Variants in NUAK1 observed in about 807,000 individuals in gnomAD.
NUAK1 encodes the protein NUAK family kinase 1, also known as NUAK family SNF1-like kinase 1.
A neutral mutation model predicts 56.9 loss-of-function variants in NUAK1; 26 were observed. The ratio of observed to expected loss-of-function variants is 0.46; its 90% confidence interval spans 0.33 to 0.63. The LOEUF (loss-of-function observed/expected upper bound fraction) is 0.63. Among genes scored for constraint, NUAK1 ranks in the 30% least tolerant of loss-of-function variants. NUAK1 has a pLI of 0.02. For missense variants in NUAK1, 727 were observed against 876.1 expected, an observed-to-expected ratio of 0.83 and a Z score of 2.15; for synonymous variants, 337 against 336.0, an observed-to-expected ratio of 1.00 and a Z score of -0.03.
Position 106,066,654 on chromosome 12 carries a change from T to C in NUAK1, c.*148A>G. The C allele has an allele frequency of 1.4e-6, 1 of 714,756 alleles. No individual in the cohort carries two copies. Among genetic ancestry groups the C allele is most frequent in the Non-Finnish European group, 2.4e-6 (1 of 418,804 alleles). The allele number at this position is 714,756 out of a possible 1,614,324, so 44.3% of individuals were successfully genotyped here. A position where few individuals can be genotyped will look rare whatever the true frequency, so the allele number is the denominator to read the frequency against. ...CCACCTCTCCCTTTTAGGTGTTGGC[T>C]CAAGGCTGCAAACTTGGCCAAGTGA... On this transcript the variant is annotated 3_prime_UTR_variant, in exon 7 of 7. Transcript: ENST00000261402.
At chr12:106,131,457 T>C (rs971258967) in intron 1 of NUAK1, among the ~76,000 whole-genome samples, 2 of 152,230 alleles carry the variant, frequency 1.3e-5, no homozygotes, top group Non-Finnish European at 1.5e-5. Flanking sequence ...CTTTTGTGTC[T>C]GGCTTCTTTC....
chr12:106,084,332 T>G (rs565673132), intron 3 of NUAK1, among the ~76,000 whole-genome samples: 2 of 152,304 alleles, frequency 1.3e-5, no homozygotes, highest in East Asian at 3.9e-4. Flanking sequence ...GACTCAAGAT[T>G]GTGGGGCTCA....
chr12:106,064,170 C>T lies in NUAK1; in HGVS notation c.*2632G>A, dbSNP rs766888094. 5.9e-5 allele frequency: 9 copies of T among 152,592 alleles called. No homozygotes were observed. 9.5% of individuals were successfully genotyped at this position (152,592 alleles called of 1,614,324 possible). A position where few individuals can be genotyped will look rare whatever the true frequency, so the allele number is the denominator to read the frequency against. Reference sequence around the variant, plus strand: ...AGTGAATAAAGCATAACTTCTTTGACTGGGATTGGCTGGTAGGGATGACAG... The same window carrying T: ...AGTGAATAAAGCATAACTTCTTTGATTGGGATTGGCTGGTAGGGATGACAG... On this transcript the variant is annotated 3_prime_UTR_variant, in exon 7 of 7. Transcript: ENST00000261402.
chr12:106,106,766 T>C (rs77047920), intron 1 of NUAK1, among the ~76,000 whole-genome samples: 7,379 of 152,300 alleles, frequency 0.048, 374 homozygotes, highest in African/African-American at 0.13. Flanking sequence ...GTTTTTGTTT[T>C]TGTTTTGTTT....
At chr12:106,122,781 ACT>A (rs2032991162) in intron 1 of NUAK1, among the ~76,000 whole-genome samples, 1 of 152,068 alleles carries the variant, frequency 6.6e-6, no homozygotes, top group African/African-American at 2.4e-5. Flanking sequence ...CCCAAGTCCC[ACT>A]CCAACCCTGT....
At chr12:106,099,392 G>A (rs2032726774) in intron 2 of NUAK1, among the ~76,000 whole-genome samples, 1 of 152,160 alleles carries the variant, frequency 6.6e-6, no homozygotes, top group Non-Finnish European at 1.5e-5. Flanking sequence ...TTGGATGCTG[G>A]CAGAAGTATT....
chr12:106,072,632 T>A (rs745354353), intron 5 of NUAK1, 92 bp downstream of exon 5: 30 of 1,412,646 alleles, frequency 2.1e-5, no homozygotes, highest in Non-Finnish European at 2.8e-5. Context: ...TTAGGCTCTG[T>A]TTTTTTAAGC....
At chr12:106,136,542 T>G (rs901158719) in intron 1 of NUAK1, among the ~76,000 whole-genome samples, 1 of 152,170 alleles carries the variant, frequency 6.6e-6, no homozygotes, top group Non-Finnish European at 1.5e-5. Flanking sequence ...CCACTGACGC[T>G]CAGAAAGGCG....
Position 106,138,038 on chromosome 12 carries a change from A to G in NUAK1, c.240+376T>C, listed in dbSNP as rs1442687722. On this transcript the variant is annotated intron_variant, in intron 1 of 6. Transcript: ENST00000261402. The surrounding 1 kb of genome is among the most constrained non-coding windows in gnomAD (Gnocchi z 5.0). ...CCTAGCTGGGAATGTGGTTCTTTGG[A>G]GAGTTGTGGAAATAAGACGTTTCGG... is the stretch of plus-strand genomic sequence containing the variant. Among the ~76,000 whole-genome samples the G allele has an allele frequency of 2.6e-5, 4 of 152,118 alleles. No homozygotes were observed. Among genetic ancestry groups the G allele is most frequent in the African/African-American group, 9.7e-5 (4 of 41,438 alleles).
chr12:106,075,056 G>A (rs78898730), intron 4 of NUAK1, among the ~76,000 whole-genome samples: 3,186 of 152,140 alleles, frequency 0.021, 116 homozygotes, highest in African/African-American at 0.074. Context: ...AGAGGCACCC[G>A]CTGCACATGC....
intron 4 of NUAK1, among the ~76,000 whole-genome samples, chr12:106,082,066 T>C (rs548498549): frequency 1.3e-5 from 2 of 152,220 alleles, no homozygotes; most frequent in Non-Finnish European, 2.9e-5. Context: ...GCTCCCAGTA[T>C]AGTAACAGTT....
At chr12:106,128,128 C>CTTTTTTTTTTTTTTTTTTTTTTT (rs199595148) in intron 1 of NUAK1, among the ~76,000 whole-genome samples, 2 of 136,220 alleles carry the variant, frequency 1.5e-5, no homozygotes, top group Non-Finnish European at 1.6e-5. Context: ...TCTCTCTTTT[C>CTTTTTTTTTTTTTTTTTTTTTTT]TTTTTCTTTT....
intron 1 of NUAK1, among the ~76,000 whole-genome samples, chr12:106,128,529 G>T (rs933312718): frequency 7.9e-5 from 12 of 152,144 alleles, no homozygotes; most frequent in Non-Finnish European, 1.8e-4. Flanking sequence ...TGAACCACTC[G>T]TGAGCTGAGC....
chr12:106,084,285 C>T (rs781440987), intron 3 of NUAK1, among the ~76,000 whole-genome samples: 9 of 152,156 alleles, frequency 5.9e-5, no homozygotes, highest in Admixed American at 5.2e-4. Flanking sequence ...TCTGTCTGGA[C>T]GGGATTCCCA....
intron 2 of NUAK1, chr12:106,103,307 C>T (rs1245918680): frequency 6.6e-6 from 1 of 152,208 alleles, no homozygotes; most frequent in Non-Finnish European, 1.5e-5. Context: ...AAGGCTCCTG[C>T]TCTGGGCCAA....
intron 1 of NUAK1, among the ~76,000 whole-genome samples, chr12:106,122,925 T>TG (rs1238385671): frequency 5.3e-5 from 8 of 152,172 alleles, no homozygotes; most frequent in African/African-American, 1.9e-4. Flanking sequence ...AGAGGATCTG[T>TG]TTGTTTGCTC....
chr12:106,078,005 GA>G, intron 4 of NUAK1, among the ~76,000 whole-genome samples: 1 of 152,296 alleles, frequency 6.6e-6, no homozygotes, highest in East Asian at 1.9e-4. Flanking sequence ...TCCTTTGTTG[GA>G]AAATGGAATT....
At chr12:106,108,191 C>T (rs2032822858) in intron 1 of NUAK1, among the ~76,000 whole-genome samples, 1 of 152,150 alleles carries the variant, frequency 6.6e-6, no homozygotes, top group Admixed American at 6.5e-5. Context: ...AAAGGGGGAA[C>T]CACCCCAGTT....
chr12:106,136,805 A>G (rs2033133734), intron 1 of NUAK1, among the ~76,000 whole-genome samples: 2 of 152,310 alleles, frequency 1.3e-5, no homozygotes, highest in African/African-American at 2.4e-5. Context: ...TGCTTATTCA[A>G]CATCCAGCCT....
Sources: gnomAD v4.1 joint callset for allele counts (sites outside exome capture counted in the v4.1 genomes callset) on GRCh38, gnomAD v4.1.1 for gene constraint, Gnocchi (gnomAD v3.1) non-coding constraint, MANE v1.5 for transcripts, NCBI Gene and HGNC (gene_info 2026-07-23, HGNC 2026-07-21) for gene names.